Variants in TNS3 observed in about 807,000 individuals in gnomAD.
The protein encoded by TNS3 is tensin 3, also known as tensin-3.
Under a neutral mutation model 140.9 loss-of-function variants are expected in TNS3, and 45 were observed. That is an observed-to-expected ratio of 0.32 (90% CI 0.25 to 0.41). TNS3 has a LOEUF of 0.41. Among genes scored for constraint, TNS3 ranks in the 10% least tolerant of loss-of-function variants. TNS3 has a pLI of 1.00. For missense variants in TNS3, 1,716 were observed against 1,906.7 expected (o/e 0.90, Z 1.86); for synonymous variants, 815 against 788.4 (o/e 1.03, Z -0.56).
chr7:47,371,815 G>C (rs1468985320), intron 16 of TNS3, among the ~76,000 whole-genome samples: 3 of 152,246 alleles, frequency 2.0e-5, no homozygotes, highest in Non-Finnish European at 4.4e-5. Context: ...TCTGGCATCA[G>C]ATGGACACTG....
intron 1 of TNS3, among the ~76,000 whole-genome samples, chr7:47,572,247 T>C (rs1800574376): frequency 6.6e-6 from 1 of 152,176 alleles, no homozygotes; most frequent in African/African-American, 2.4e-5. Flanking sequence ...GAGAAGTCAC[T>C]ACAGTCATAA....
intron 16 of TNS3, 71 bp from the exon 17 acceptor site, chr7:47,369,692 C>A: frequency 6.9e-7 from 1 of 1,447,638 alleles, no homozygotes; most frequent in Non-Finnish European, 9.2e-7. Flanking sequence ...TCTGAATGGG[C>A]GTGTGCATCT....
intron 3 of TNS3, among the ~76,000 whole-genome samples, chr7:47,500,211 T>C (rs946217511): frequency 1.3e-5 from 2 of 152,160 alleles, no homozygotes; most frequent in African/African-American, 4.8e-5. Context: ...GACAGCACGC[T>C]GCATCTGGGT....
chr7:47,397,520 T>A (rs1406422629), intron 15 of TNS3, among the ~76,000 whole-genome samples: 1 of 152,210 alleles, frequency 6.6e-6, no homozygotes, highest in Admixed American at 6.5e-5. Flanking sequence ...GGGAAAAAAA[T>A]TGTTTCGCAC....
rs143979272 is a variant in TNS3, at chr7:47,446,138, G to C, written c.-75-4083C>G. Among the ~76,000 whole-genome samples, 440 of 152,246 alleles carry C rather than the reference G, an allele frequency of 2.9e-3. 1 individual carries two copies. Among genetic ancestry groups the C allele is most frequent in the African/African-American group, 0.01 (417 of 41,546 alleles). On this transcript the variant is annotated intron_variant, in intron 4 of 30. Coordinates refer to ENST00000311160, the MANE Select transcript of TNS3 (RefSeq NM_022748.12). ...TTTTGTTTTGTTTTGTTTTGAGATA[G>C]AGTCTTGCTGTTGCACAGGCTGGAG...
At chr7:47,395,217 A>G (rs1484551919) in intron 16 of TNS3, among the ~76,000 whole-genome samples, 1 of 152,184 alleles carries the variant, frequency 6.6e-6, no homozygotes, top group Non-Finnish European at 1.5e-5. Flanking sequence ...CTCAGGACAG[A>G]GCGCTGCTCA....
intron 3 of TNS3, among the ~76,000 whole-genome samples, chr7:47,494,018 C>A (rs550988028): frequency 3.9e-5 from 6 of 152,348 alleles, no homozygotes; most frequent in African/African-American, 1.4e-4. Flanking sequence ...CCCCTGTTCA[C>A]AAAATCTTGA....
At chr7:47,383,285 G>C (rs1319937348) in intron 16 of TNS3, among the ~76,000 whole-genome samples, 1 of 152,204 alleles carries the variant, frequency 6.6e-6, no homozygotes, top group Non-Finnish European at 1.5e-5. Context: ...AGTGAAAGAA[G>C]CGAATCACAG....
rs778874440 is a variant in TNS3, at chr7:47,275,751, C to A, written c.*2325G>T. ...AGCTATCTGCTTGGAGCAAATTCCC[C>A]GATGCCCTTGACCACGTTTACCTTG... On this transcript the variant is annotated 3_prime_UTR_variant, in exon 31 of 31. Transcript: ENST00000311160. 1 of 452,748 alleles carries A rather than the reference C, an allele frequency of 2.2e-6. No individual in the cohort carries two copies. Among genetic ancestry groups the A allele is most frequent in the Non-Finnish European group, 4.4e-6 (1 of 225,646 alleles). 28.0% of individuals were successfully genotyped at this position (452,748 alleles called of 1,614,324 possible).
intron 1 of TNS3, among the ~76,000 whole-genome samples, chr7:47,554,758 C>T (rs1199373113): frequency 2.0e-5 from 3 of 152,160 alleles, no homozygotes; most frequent in Non-Finnish European, 2.9e-5. Flanking sequence ...GGGCCGAGCA[C>T]GGTGGTTCAC....
intron 3 of TNS3, among the ~76,000 whole-genome samples, chr7:47,482,141 C>A (rs947937583): frequency 1.3e-5 from 2 of 152,210 alleles, no homozygotes; most frequent in Non-Finnish European, 2.9e-5. Flanking sequence ...CCCTCCAGAT[C>A]CCTGGCACCT....
chr7:47,293,761 C>T lies in TNS3; in HGVS notation c.3744G>A (p.Leu1248=), dbSNP rs764397480. 1 of 1,614,206 alleles carries T rather than the reference C, an allele frequency of 6.2e-7. No homozygotes were observed. Among genetic ancestry groups the T allele is most frequent in the Admixed American group, 1.7e-5 (1 of 60,026 alleles). ...AATATGGTTCATTCGAGCACCCTTT[C>T]AACCGCACTCCCTTCGGGGTACACT... ...LIECTPKGVR[L]KGCSNEPYFG... Residue 1248 remains leucine, a synonymous_variant, in exon 25 of 31, where the codon TTG becomes TTA. Coordinates refer to ENST00000311160, the MANE Select transcript of TNS3 (RefSeq NM_022748.12).
At chr7:47,482,400 G>C (rs961705336) in intron 3 of TNS3, among the ~76,000 whole-genome samples, 1 of 152,202 alleles carries the variant, frequency 6.6e-6, no homozygotes, top group Admixed American at 6.5e-5. Flanking sequence ...CGGATGTCTG[G>C]GGCAGGGGTC....
At chr7:47,416,698 G>A (rs532244985) in intron 10 of TNS3, among the ~76,000 whole-genome samples, 12 of 152,070 alleles carry the variant, frequency 7.9e-5, no homozygotes, top group Admixed American at 2.0e-4. Flanking sequence ...TCTCCTGCAG[G>A]GTACTTTCTA....
At chr7:47,389,108 GCAGAAGAA>G (rs1792329783) in intron 16 of TNS3, among the ~76,000 whole-genome samples, 2 of 29,008 alleles carry the variant, frequency 6.9e-5, no homozygotes, top group African/African-American at 3.0e-4. Flanking sequence ...GGAAGCGGAA[GCAGAAGAA>G]GAAGAAGAAG....
chr7:47,293,313 T>C (rs1785818712), intron 25 of TNS3, among the ~76,000 whole-genome samples: 1 of 152,180 alleles, frequency 6.6e-6, no homozygotes, highest in African/African-American at 2.4e-5. Flanking sequence ...TGTGGATTGC[T>C]CAAGTCATCT....
chr7:47,302,063 A>C (rs968746670), intron 23 of TNS3, 123 bp downstream of exon 23: 1 of 754,646 alleles, frequency 1.3e-6, no homozygotes, highest in Non-Finnish European at 2.3e-6. Context: ...GGCCCTGCTC[A>C]AACTCAATCC....
At chr7:47,447,331 C>T (rs1795797277) in intron 4 of TNS3, among the ~76,000 whole-genome samples, 1 of 152,016 alleles carries the variant, frequency 6.6e-6, no homozygotes, top group Non-Finnish European at 1.5e-5. Context: ...CAGAGCACTT[C>T]CTAGTGTGTC....
At chr7:47,322,545 C>T (rs900395758) in intron 20 of TNS3, among the ~76,000 whole-genome samples, 4 of 151,810 alleles carry the variant, frequency 2.6e-5, no homozygotes, top group South Asian at 2.1e-4. Flanking sequence ...AACAAACACA[C>T]ACACACACAC....
Sources: allele counts gnomAD v4.1 joint callset (sites outside exome capture counted in the v4.1 genomes callset), GRCh38; gene constraint gnomAD v4.1.1; transcripts MANE v1.5; gene names NCBI Gene and HGNC (gene_info 2026-07-23, HGNC 2026-07-21).